Variants in CTBP2 observed in about 807,000 individuals in gnomAD.
The protein encoded by CTBP2 is C-terminal-binding protein 2.
A neutral mutation model predicts 80.3 loss-of-function variants in CTBP2; 30 were observed. The ratio of observed to expected loss-of-function variants is 0.37; its 90% CI spans 0.28 to 0.51. The LOEUF (loss-of-function observed/expected upper bound fraction) is 0.51. Ranked by LOEUF, CTBP2 falls within the 20% of genes least tolerant of loss-of-function variation. The pLI, the probability that CTBP2 is intolerant of heterozygous loss-of-function variation, is 0.93. For synonymous variants in CTBP2, 594 were observed against 587.4 expected (o/e 1.01, Z -0.16); for missense variants, 1,212 against 1,375.3 (o/e 0.88, Z 1.88).
intron 2 of CTBP2, among the ~76,000 whole-genome samples, chr10:125,057,489 C>A (rs1964177025): frequency 6.6e-6 from 1 of 152,228 alleles, no homozygotes; most frequent in Admixed American, 6.5e-5. Flanking sequence ...TGTCCATTCA[C>A]TGATCGGCCA....
In CTBP2 at chr10:125,003,349, T is replaced by C. The variant is rs1954800265; in HGVS notation, c.1822A>G (p.Ile608Val). 2 of 1,608,822 alleles carry C rather than the reference T, an allele frequency of 1.2e-6. No homozygotes were observed. The highest frequency in any genetic ancestry group is 2.2e-5 in the South Asian group (2 of 90,844). The change falls in exon 2 of 9, where the codon ATC becomes GTC. Residue 608 changes from isoleucine to valine, a missense_variant. By Grantham distance (29) the Ile-to-Val change is conservative. This residue lies in a region of CTBP2 where 29 missense variants were observed against 88.3 expected (regional missense o/e 0.33). Transcript: ENST00000309035. Reference sequence around the variant, plus strand: ...CAGGGTGGGCCCACCTTCTCGTGGATTTCCTGCGTCGACTGCGCGTCACAG... The same window carrying C: ...CAGGGTGGGCCCACCTTCTCGTGGACTTCCTGCGTCGACTGCGCGTCACAG...
Position 125,154,616 on chromosome 10 carries a change from T to C in CTBP2, c.-206+5703A>G, listed in dbSNP as rs144875705. 2.8e-3 allele frequency among the ~76,000 whole-genome samples: 421 copies of C among 151,294 alleles called. 2 individuals carry two copies. Among genetic ancestry groups the C allele is most frequent in the Non-Finnish European group, 5.2e-3 (354 of 67,916 alleles). Reference sequence around the variant, plus strand: ...GAGGGAGGGACTAGGCATATACACATGCAAACTACAACTGGTTCTCACCGA... The same window carrying C: ...GAGGGAGGGACTAGGCATATACACACGCAAACTACAACTGGTTCTCACCGA... On this transcript the variant is annotated intron_variant, in intron 1 of 10. Coordinates refer to the CTBP2 transcript ENST00000337195.
At chr10:125,070,038 G>A (rs1365866956) in intron 2 of CTBP2, among the ~76,000 whole-genome samples, 1 of 151,660 alleles carries the variant, frequency 6.6e-6, no homozygotes, top group East Asian at 1.9e-4. Flanking sequence ...ATATATATAT[G>A]GGTCATTAAT....
intron 2 of CTBP2, among the ~76,000 whole-genome samples, chr10:125,049,508 A>G (rs1962204301): frequency 6.6e-6 from 1 of 152,114 alleles, no homozygotes; most frequent in South Asian, 2.1e-4. Flanking sequence ...ATACCTCACA[A>G]GCTTGCTCCA....
chr10:125,079,060 T>C (rs1333193068), intron 2 of CTBP2, among the ~76,000 whole-genome samples: 2 of 147,078 alleles, frequency 1.4e-5, no homozygotes, highest in Admixed American at 1.4e-4. Context: ...GGAACGAGAA[T>C]TGCTTGAACC....
At chr10:125,116,710 T>C (rs1853374625) in intron 1 of CTBP2, among the ~76,000 whole-genome samples, 1 of 152,110 alleles carries the variant, frequency 6.6e-6, no homozygotes. Context: ...CTCTCAATGG[T>C]AGGACCACAA....
intron 1 of CTBP2, among the ~76,000 whole-genome samples, chr10:125,004,004 G>A (rs1034347283): frequency 6.6e-6 from 1 of 152,226 alleles, no homozygotes; most frequent in African/African-American, 2.4e-5. Context: ...ATGCCTGAGG[G>A]CAGGAGGCCT....
rs71486514 is a variant in CTBP2 at position 125,082,589 on chromosome 10, CTTTTTTTTT to C, written c.-102+28392_-102+28400del. Reference sequence around the variant, plus strand: ...CCATGATCATTCTGCCAGCTTTCCTCTTTTTTTTTTTTTTTTTTGAAACAGTCTTGCTCT... The same window carrying C: ...CCATGATCATTCTGCCAGCTTTCCTCTTTTTTTTTGAAACAGTCTTGCTCT... On this transcript the variant is annotated intron_variant, in intron 2 of 10. Transcript: ENST00000337195. Among the ~76,000 whole-genome samples the C allele has an allele frequency of 2.3e-5, 3 of 131,064 alleles. No individual in the cohort carries two copies. In the Admixed American group the frequency reaches 2.3e-4, roughly 10 times the overall value. The allele number at this position is 131,064 out of a possible 152,430, so 86.0% of individuals were successfully genotyped here.
At chr10:125,048,893 G>A (rs938768827) in intron 2 of CTBP2, among the ~76,000 whole-genome samples, 5 of 152,260 alleles carry the variant, frequency 3.3e-5, no homozygotes, top group Middle Eastern at 3.4e-3. Context: ...AGTTTGCTGT[G>A]AGACAAGTAT....
intron 1 of CTBP2, among the ~76,000 whole-genome samples, chr10:125,142,454 T>C (rs1345483146): frequency 6.6e-6 from 1 of 152,114 alleles, no homozygotes; most frequent in Non-Finnish European, 1.5e-5. Context: ...GTGATTTCCT[T>C]AGTGGTGGCT....
At chr10:125,079,143 T>C (rs569840303) in intron 2 of CTBP2, among the ~76,000 whole-genome samples, 1 of 110,148 alleles carries the variant, frequency 9.1e-6, no homozygotes, top group Admixed American at 1.0e-4. Context: ...TGAGACCTTG[T>C]CTCGAGGAAA....
chr10:125,014,194 A>T (rs1956234965), intron 1 of CTBP2, among the ~76,000 whole-genome samples: 1 of 152,234 alleles, frequency 6.6e-6, no homozygotes, highest in Non-Finnish European at 1.5e-5. Flanking sequence ...ATGCAGGGAC[A>T]CACGGTCCTC....
chr10:125,105,636 T>A (rs1851335174), intron 2 of CTBP2, among the ~76,000 whole-genome samples: 1 of 152,118 alleles, frequency 6.6e-6, no homozygotes, highest in Admixed American at 6.5e-5. Context: ...TGTGTGTCCT[T>A]CCATAAAGAC....
intron 2 of CTBP2, among the ~76,000 whole-genome samples, chr10:125,102,111 A>C (rs1344712168): frequency 6.6e-6 from 1 of 152,146 alleles, no homozygotes; most frequent in African/African-American, 2.4e-5. Context: ...CACAACTCTG[A>C]GATTAAGCAC....
intron 1 of CTBP2, 44 bp from the exon 4 acceptor site, chr10:125,003,536 GC>G: frequency 6.8e-7 from 1 of 1,469,740 alleles, no homozygotes; most frequent in Non-Finnish European, 9.1e-7. Flanking sequence ...GGTGGCTGGG[GC>G]CACAGGGTGC....
chr10:125,148,273 G>A (rs1006107442), intron 1 of CTBP2, among the ~76,000 whole-genome samples: 3 of 152,082 alleles, frequency 2.0e-5, no homozygotes, highest in African/African-American at 7.3e-5. Context: ...GCGCTGCCGG[G>A]GCCCCTAGAG....
intron 2 of CTBP2, among the ~76,000 whole-genome samples, chr10:125,090,478 G>A (rs1442085622): frequency 6.7e-6 from 1 of 150,028 alleles, no homozygotes; most frequent in Non-Finnish European, 1.5e-5. Context: ...AAAAAGCTGA[G>A]GAGGGCCAGC....
chr10:125,108,259 G>C, intron 2 of CTBP2, among the ~76,000 whole-genome samples: 1 of 152,206 alleles, frequency 6.6e-6, no homozygotes, highest in East Asian at 1.9e-4. Context: ...AAAAAAGACG[G>C]CCATAAACCA....
At chr10:125,061,983 G>C (rs903041080) in intron 2 of CTBP2, among the ~76,000 whole-genome samples, 4 of 152,224 alleles carry the variant, frequency 2.6e-5, no homozygotes, top group Non-Finnish European at 4.4e-5. Flanking sequence ...GACACAGCTG[G>C]GGTGGAGGTG....
Sources: gnomAD v4.1 joint callset for allele counts (sites outside exome capture counted in the v4.1 genomes callset) on GRCh38, gnomAD v4.1.1 for gene constraint, gnomAD v4.1.1 regional missense constraint, MANE v1.5 for transcripts, NCBI Gene and HGNC (gene_info 2026-07-23, HGNC 2026-07-21) for gene names.